GSPT1: variants seen among roughly 807,000 people sequenced by gnomAD.
GSPT1 encodes the protein eukaryotic peptide chain release factor GTP-binding subunit ERF3A.
A neutral mutation model predicts 72.5 loss-of-function variants in GSPT1; 20 were observed. The ratio of observed to expected loss-of-function variants is 0.28; its 90% CI spans 0.19 to 0.40. The LOEUF (loss-of-function observed/expected upper bound fraction) is 0.40, where lower values mean the gene tolerates loss of function less well. Ranked by LOEUF, GSPT1 falls within the 10% of genes least tolerant of loss-of-function variation. GSPT1 has a pLI of 1.00. For missense variants in GSPT1, 580 were observed against 811.9 expected, an observed-to-expected ratio of 0.71 and a Z score of 3.47; for synonymous variants, 334 against 293.5, an observed-to-expected ratio of 1.14 and a Z score of -1.41.
rs983059455 is a variant in GSPT1, at chr16:11,871,593, T to G, written c.*1526A>C. On this transcript the variant is annotated 3_prime_UTR_variant, in exon 15 of 15. Transcript: ENST00000434724. ...AAACAAAACAAAACACCCATTAGAT[T>G]AAGTTTTATGTTCTGTGACTGGAAA... 11 of 152,106 alleles carry G rather than the reference T, an allele frequency of 7.2e-5. No homozygotes were observed. Among genetic ancestry groups the G allele is most frequent in the African/African-American group, 2.7e-4 (11 of 41,412 alleles). 9.4% of individuals were successfully genotyped at this position (152,106 alleles called of 1,614,324 possible). A position where few individuals can be genotyped will look rare whatever the true frequency, so the allele number is the denominator to read the frequency against.
chr16:11,892,851 A>AG (rs2054286313), intron 5 of GSPT1, among the ~76,000 whole-genome samples: 1 of 144,032 alleles, frequency 6.9e-6, no homozygotes, highest in African/African-American at 2.6e-5. Context: ...AAAAAAAAAA[A>AG]AAAAGAAAAG....
intron 1 of GSPT1, among the ~76,000 whole-genome samples, chr16:11,900,567 CA>C (rs1016658851): frequency 6.6e-6 from 1 of 152,068 alleles, no homozygotes; most frequent in Non-Finnish European, 1.5e-5. Flanking sequence ...CATACAGGCA[CA>C]TCAGAATCAA....
chr16:11,877,330 T>A lies in GSPT1; in HGVS notation c.1602+77A>T, dbSNP rs529532806. 1.1e-5 allele frequency: 11 copies of A among 1,002,460 alleles called. No individual in the cohort carries two copies. The South Asian group carries it at 1.8e-4, about 16-fold the overall frequency. The allele number at this position is 1,002,460 out of a possible 1,614,324, so 62.1% of individuals were successfully genotyped here. A position where few individuals can be genotyped will look rare whatever the true frequency, so the allele number is the denominator to read the frequency against. The stretch of plus-strand genomic sequence containing the variant: ...GGGTTAACTGGCATGTCACAAATAA[T>A]CAGGACAAAAGGCACTGATATTCTA... On this transcript the variant is annotated intron_variant, in intron 12 of 14. Transcript: ENST00000434724. This position sits in a 1 kb window ranked among gnomAD's most constrained non-coding sequence, Gnocchi z 4.0.
intron 5 of GSPT1, among the ~76,000 whole-genome samples, chr16:11,892,524 A>T (rs980945104): frequency 2.4e-5 from 3 of 126,646 alleles, no homozygotes; most frequent in African/African-American, 1.1e-4. Context: ...CAAAAAAAAC[A>T]AAAAAAACAA....
chr16:11,874,078 A>G (rs538529678), intron 14 of GSPT1, among the ~76,000 whole-genome samples: 17 of 152,348 alleles, frequency 1.1e-4, no homozygotes, highest in South Asian at 1.0e-3. Context: ...TGGAGTGTCT[A>G]TAAAAGACAA....
chr16:11,874,612 T>C, intron 14 of GSPT1, among the ~76,000 whole-genome samples: 1 of 152,150 alleles, frequency 6.6e-6, no homozygotes, highest in Middle Eastern at 3.2e-3. Context: ...CATTTTGTTA[T>C]ATTAATAAGA....
chr16:11,878,727 C>T (rs577946003), intron 11 of GSPT1, among the ~76,000 whole-genome samples: 29 of 151,920 alleles, frequency 1.9e-4, no homozygotes, highest in Non-Finnish European at 2.6e-4. Flanking sequence ...GAACAAGTGA[C>T]CTGAGAGGAG....
intron 14 of GSPT1, among the ~76,000 whole-genome samples, chr16:11,874,377 C>T (rs928724704): frequency 3.3e-5 from 5 of 150,922 alleles, no homozygotes; most frequent in Non-Finnish European, 5.9e-5. Context: ...GTGAACACGT[C>T]CTTCTGGTAG....
At chr16:11,876,367 C>T (rs537945226) in intron 12 of GSPT1, among the ~76,000 whole-genome samples, 192 bp from the exon 13 acceptor site, 2,232 of 152,258 alleles carry the variant, frequency 0.015, 32 homozygotes, top group South Asian at 0.024. Context: ...GCTGCTTGAA[C>T]TCAAAGCATG....
chr16:11,897,532 C>G (rs567266117), intron 3 of GSPT1, among the ~76,000 whole-genome samples: 59 of 152,180 alleles, frequency 3.9e-4, no homozygotes, highest in African/African-American at 1.2e-3. Flanking sequence ...TTGCAGTGAC[C>G]CAAGATTGCA....
rs2053995007 is a variant in GSPT1, at chr16:11,872,951, C to T, written c.*168G>A. The T allele has an allele frequency of 5.5e-6, 3 of 550,134 alleles. No individual in the cohort carries two copies. Among genetic ancestry groups the T allele is most frequent in the Non-Finnish European group, 1.0e-5 (3 of 298,740 alleles). The allele number at this position is 550,134 out of a possible 1,614,324, so 34.1% of individuals were successfully genotyped here. A position where few individuals can be genotyped will look rare whatever the true frequency, so the allele number is the denominator to read the frequency against. ...AAAATTCAACAGTGGCATAGCAGAG[C>T]TCTCAATATGAGAAAGCTGACATAA... is the stretch of plus-strand genomic sequence containing the variant. On this transcript the variant is annotated 3_prime_UTR_variant, in exon 15 of 15. Coordinates refer to ENST00000434724, the MANE Select transcript of GSPT1 (RefSeq NM_002094.4).
intron 14 of GSPT1, among the ~76,000 whole-genome samples, chr16:11,875,138 A>G (rs909692852): frequency 7.2e-5 from 11 of 152,038 alleles, no homozygotes; most frequent in Admixed American, 1.3e-4. Flanking sequence ...GCAGTGAGCC[A>G]AGATGGTGCC....
chr16:11,913,402 TCTTA>T (rs1344790393), intron 1 of GSPT1, among the ~76,000 whole-genome samples: 1 of 152,252 alleles, frequency 6.6e-6, no homozygotes, highest in African/African-American at 2.4e-5. Context: ...GTACGGATTC[TCTTA>T]CTGACAGCTA....
At chr16:11,910,695 A>C (rs1051782440) in intron 1 of GSPT1, among the ~76,000 whole-genome samples, 1 of 152,228 alleles carries the variant, frequency 6.6e-6, no homozygotes, top group African/African-American at 2.4e-5. Flanking sequence ...TGTCGTCTAC[A>C]TTACTTCCTT....
intron 1 of GSPT1, among the ~76,000 whole-genome samples, chr16:11,900,441 G>A (rs1324340075): frequency 1.3e-5 from 2 of 151,990 alleles, no homozygotes; most frequent in Non-Finnish European, 2.9e-5. Context: ...AGGGAGTGGG[G>A]GATGGAGGGG....
chr16:11,888,503 T>G (rs1211960683), intron 6 of GSPT1, among the ~76,000 whole-genome samples: 1 of 149,732 alleles, frequency 6.7e-6, no homozygotes, highest in East Asian at 1.9e-4. Flanking sequence ...GGCTCATGCT[T>G]GTAATCCAAG....
intron 1 of GSPT1, among the ~76,000 whole-genome samples, chr16:11,909,179 G>A (rs1596476510): frequency 1.3e-5 from 2 of 151,732 alleles, no homozygotes; most frequent in East Asian, 1.9e-4. Context: ...TCAGGTGCTC[G>A]GGAAAGCCTT....
intron 11 of GSPT1, chr16:11,880,322 T>C (rs1382038164): frequency 6.6e-6 from 1 of 152,208 alleles, no homozygotes; most frequent in African/African-American, 2.4e-5. Flanking sequence ...TGAGACTCTT[T>C]TGGGTATATA....
At chr16:11,910,249 T>C (rs931655796) in intron 1 of GSPT1, among the ~76,000 whole-genome samples, 1 of 152,232 alleles carries the variant, frequency 6.6e-6, no homozygotes, top group Non-Finnish European at 1.5e-5. Flanking sequence ...TTTAGTTTTA[T>C]GAGAGTGACA....
Sources: allele counts gnomAD v4.1 joint callset (sites outside exome capture counted in the v4.1 genomes callset), GRCh38; gene constraint gnomAD v4.1.1; non-coding constraint Gnocchi (gnomAD v3.1); transcripts MANE v1.5; gene names NCBI Gene and HGNC (gene_info 2026-07-23, HGNC 2026-07-21).